The following NOL3 variants were observed in gnomAD, a reference collection of about 807,000 sequenced individuals.
The protein encoded by NOL3 is muscle-enriched cytoplasmic protein.
Under a neutral mutation model 19.2 loss-of-function variants are expected in NOL3, and 18 were observed. The observed-to-expected ratio is 0.94, with a 90% CI of 0.65 to 1.39. The LOEUF (loss-of-function observed/expected upper bound fraction) is 1.39. Ranked by LOEUF, NOL3 falls within the 40% of genes most tolerant of loss-of-function variation. The probability of loss-of-function intolerance (pLI) is 0.00; values close to 1 mark genes in which losing one functional copy is unlikely to be tolerated. For synonymous variants in NOL3, 127 were observed against 137.3 expected, an observed-to-expected ratio of 0.93 and a Z score of 0.52; for missense variants, 290 against 289.5, an observed-to-expected ratio of 1.00 and a Z score of -0.01.
Position 67,174,278 on chromosome 16 carries a change from CG to C in NOL3, c.113del (p.Gly38AlafsTer186). On this transcript the variant is annotated frameshift_variant, in exon 2 of 4. Coordinates refer to ENST00000268605, the Ensembl canonical transcript of NOL3. LOFTEE classifies it high-confidence loss of function. ...ACTGCTGTTGGACGCGCTGCTGGCGCGGGGCGTGCTCACCGGGCCAGAGTAC... is the reference window on the plus strand; with the variant it reads ...ACTGCTGTTGGACGCGCTGCTGGCGCGGGCGTGCTCACCGGGCCAGAGTAC... 6.2e-7 allele frequency: 1 copy of C among 1,611,838 alleles called. No individual in the cohort carries two copies. Among genetic ancestry groups the C allele is most frequent in the Non-Finnish European group, 8.5e-7 (1 of 1,179,364 alleles).
rs1184959596 is a variant in NOL3, at chr16:67,170,789, A to C, written c.-9+215A>C. ...AGGGAGGTAAGGGGCGGGGGGGGAA[A>C]ATCCGTGCAGTCGCACATGCGCAAA... On this transcript the variant is annotated intron_variant, in intron 1 of 3. Transcript: ENST00000268605. This position sits in a 1 kb window ranked among gnomAD's most constrained non-coding sequence, Gnocchi z 5.7. Among the ~76,000 whole-genome samples the C allele has an allele frequency of 2.0e-5, 3 of 152,112 alleles. No individual in the cohort carries two copies. The highest frequency in any genetic ancestry group is 2.0e-4 in the Admixed American group (3 of 15,282).
exon 2 of NOL3, chr16:67,174,206 G>A (rs2233457): frequency 3.1e-6 from 5 of 1,612,348 alleles, no homozygotes; most frequent in East Asian, 2.2e-5. Flanking sequence ...AGAGACTATC[G>A]ACCGCGAGCG....
chr16:67,174,185 G>C, exon 2 of NOL3: 1 of 1,610,758 alleles, frequency 6.2e-7, no homozygotes, highest in Non-Finnish European at 8.5e-7. Context: ...CAACGCGCAG[G>C]AGCGGCCGTC....
exon 2 of NOL3, chr16:67,174,205 C>G: frequency 6.2e-7 from 1 of 1,612,392 alleles, no homozygotes; most frequent in Non-Finnish European, 8.5e-7. Flanking sequence ...CAGAGACTAT[C>G]GACCGCGAGC....
rs753878058 is a variant in NOL3, at chr16:67,174,265, C to T, written c.96C>T (p.Asp32=). Reference sequence around the variant, plus strand: ...AGGCGGACTCGGGACTGCTGTTGGACGCGCTGCTGGCGCGGGGCGTGCTCA... The same window carrying T: ...AGGCGGACTCGGGACTGCTGTTGGATGCGCTGCTGGCGCGGGGCGTGCTCA... Residue 32 remains aspartate, a synonymous_variant, in exon 2 of 4, where the codon GAC becomes GAT. Coordinates refer to ENST00000268605, the Ensembl canonical transcript of NOL3. The T allele has an allele frequency of 6.2e-6, 10 of 1,612,302 alleles. No homozygotes were observed. In the South Asian group the frequency reaches 7.7e-5, roughly 12 times the overall value.
Position 67,174,155 on chromosome 16 carries a change from C to T in NOL3, c.-8-7C>T. 12 of 1,605,236 alleles carry T rather than the reference C, an allele frequency of 7.5e-6. No individual in the cohort carries two copies. Among genetic ancestry groups the T allele is most frequent in the Non-Finnish European group, 1.0e-5 (12 of 1,174,982 alleles). ...CCCCATTACTTCTCTCCCCTTTCCC[C>T]ATGCAGCCCCGACAATGGGCAACGC... is the stretch of plus-strand genomic sequence containing the variant. On this transcript the variant is annotated splice_region_variant and splice_polypyrimidine_tract_variant and intron_variant, in intron 1 of 3. Transcript: ENST00000268605.
At chr16:67,173,942 A>G in intron 1 of NOL3, 1 of 1,536,392 alleles carries the variant, frequency 6.5e-7, no homozygotes, top group Non-Finnish European at 8.7e-7. Flanking sequence ...GAGGAGCCTG[A>G]GGAGGAGACA....
At chr16:67,175,186 G>A (rs1166902770) in exon 4 of NOL3, 13 of 1,562,480 alleles carry the variant, frequency 8.3e-6, no homozygotes, top group South Asian at 3.5e-5. Flanking sequence ...CCGGAGGGTC[G>A]GACGGGACCT....
At chr16:67,174,271 G>A (rs1268875518) in exon 2 of NOL3, 2 of 1,611,970 alleles carry the variant, frequency 1.2e-6, no homozygotes, top group African/African-American at 2.7e-5. Context: ...TGGACGCGCT[G>A]CTGGCGCGGG....
intron 1 of NOL3, 75 bp from the exon 2 acceptor site, chr16:67,174,087 G>C: frequency 6.3e-7 from 1 of 1,597,248 alleles, no homozygotes; most frequent in Non-Finnish European, 8.5e-7. Flanking sequence ...TGGGGGCATT[G>C]AGGGAGTGGT....
chr16:67,174,630 A>G (rs1029189240), exon 3 of NOL3: 3 of 1,534,176 alleles, frequency 2.0e-6, no homozygotes, highest in Admixed American at 2.2e-5. Context: ...GGCTACCGGG[A>G]CCGCAGCTAT....
At chr16:67,174,079 G>T in intron 1 of NOL3, 83 bp from the exon 2 acceptor site, 1 of 1,590,674 alleles carries the variant, frequency 6.3e-7, no homozygotes, top group Non-Finnish European at 8.6e-7. Flanking sequence ...GTGTTCACTG[G>T]GGGCATTGAG....
chr16:67,175,267 G>A, exon 4 of NOL3: 1 of 1,448,850 alleles, frequency 6.9e-7, no homozygotes, highest in East Asian at 2.5e-5. Flanking sequence ...CAGGGACCTG[G>A]GCAGGCCCAA....
chr16:67,175,303 T>C, exon 4 of NOL3: 1 of 1,409,598 alleles, frequency 7.1e-7, no homozygotes, highest in Non-Finnish European at 9.2e-7. Flanking sequence ...CATCCAGTCC[T>C]CAGCCCTAAT....
At chr16:67,175,193 A>T (rs1361899682) in exon 4 of NOL3, 1 of 1,547,534 alleles carries the variant, frequency 6.5e-7, no homozygotes, top group African/African-American at 1.4e-5. Flanking sequence ...GTCGGACGGG[A>T]CCTGGGCTCT....
exon 3 of NOL3, chr16:67,174,830 C>T: frequency 6.2e-7 from 1 of 1,603,866 alleles, no homozygotes; most frequent in Admixed American, 1.7e-5. Flanking sequence ...TGAACCGGAG[C>T]CGGAGCCAGA....
chr16:67,171,449 A>G lies in NOL3; in HGVS notation c.-9+875A>G, dbSNP rs62057951. ...GCATCAGCAAAGGCTCCGAGGTGCC[A>G]GAGGCATAGTGAGTTCTCCGATCCC... On this transcript the variant is annotated intron_variant, in intron 1 of 3. Coordinates refer to ENST00000268605, the Ensembl canonical transcript of NOL3. 689 of 152,578 alleles carry G rather than the reference A, an allele frequency of 4.5e-3. 4 individuals carry two copies. The highest frequency in any genetic ancestry group is 7.0e-3 in the Non-Finnish European group (475 of 68,170). The allele number at this position is 152,578 out of a possible 1,614,324, so 9.5% of individuals were successfully genotyped here.
intron 1 of NOL3, chr16:67,172,033 AG>A (rs2031794542): frequency 6.6e-6 from 1 of 152,220 alleles, no homozygotes. Flanking sequence ...GTACTGAGAA[AG>A]ACCTGGGAGG....
At chr16:67,172,269 G>A (rs529633576) in intron 1 of NOL3, among the ~76,000 whole-genome samples, 3 of 152,236 alleles carry the variant, frequency 2.0e-5, no homozygotes, top group South Asian at 4.2e-4. Flanking sequence ...GGTCTTGCTG[G>A]CTGGGTCAGG....
Sources: allele counts gnomAD v4.1 joint callset (sites outside exome capture counted in the v4.1 genomes callset), GRCh38; gene constraint gnomAD v4.1.1; non-coding constraint Gnocchi (gnomAD v3.1); transcripts MANE v1.5; gene names NCBI Gene and HGNC (gene_info 2026-07-23, HGNC 2026-07-21).